Variants in EIF4E observed in about 807,000 individuals in gnomAD.
The protein encoded by EIF4E is eukaryotic translation initiation factor 4E, also known as eIF-4F 25 kDa subunit.
For synonymous variants in EIF4E, 71 were observed against 88.5 expected (o/e 0.80, Z 1.11); for missense variants, 113 against 265.6 (o/e 0.43, Z 3.99).
intron 1 of EIF4E, among the ~76,000 whole-genome samples, chr4:98,928,454 T>G (rs1383749637): frequency 6.6e-6 from 1 of 151,800 alleles, no homozygotes; most frequent in Non-Finnish European, 1.5e-5. Flanking sequence ...CCGGCAACTC[T>G]CCGGCGCGCT....
In EIF4E at chr4:98,918,007, C is replaced by T. The variant is rs564839084; in HGVS notation, c.18+11088G>A. On this transcript the variant is annotated intron_variant, in intron 1 of 6. Transcript: ENST00000450253. ...AGGATGATCGCTTGAACGTGGGAGG[C>T]GGAGGTTGCAGTGAGCAGAGACTGC... Among the ~76,000 whole-genome samples, 312 of 152,014 alleles carry T rather than the reference C, an allele frequency of 2.1e-3. 1 individual carries two copies. The highest frequency in any genetic ancestry group is 6.1e-3 in the African/African-American group (251 of 41,448).
At chr4:98,920,034 A>G (rs543668014) in intron 1 of EIF4E, among the ~76,000 whole-genome samples, 9 of 152,302 alleles carry the variant, frequency 5.9e-5, no homozygotes, top group African/African-American at 1.9e-4. Flanking sequence ...AGTAAAAAAT[A>G]CCCTTTCCAT....
intron 1 of EIF4E, among the ~76,000 whole-genome samples, chr4:98,928,504 A>C (rs1721320996): frequency 6.6e-6 from 1 of 151,908 alleles, no homozygotes. Flanking sequence ...CCCCTAAGCG[A>C]GGTCGAAGCT....
rs112403666 is a variant in EIF4E, at chr4:98,910,218, T to G, written c.19-8236A>C. Reference sequence around the variant, plus strand: ...AATAAAGGATCAAAACTATGACTTTTATACTCCTCCCTTAACCGAGAAAGT... The same window carrying G: ...AATAAAGGATCAAAACTATGACTTTGATACTCCTCCCTTAACCGAGAAAGT... On this transcript the variant is annotated intron_variant, in intron 1 of 6. Coordinates refer to ENST00000450253, the MANE Select transcript of EIF4E (RefSeq NM_001968.5). Among the ~76,000 whole-genome samples the G allele has an allele frequency of 3.6e-3, 547 of 152,314 alleles. 5 individuals are homozygous for G. Among genetic ancestry groups the G allele is most frequent in the African/African-American group, 0.012 (492 of 41,574 alleles).
intron 2 of EIF4E, among the ~76,000 whole-genome samples, chr4:98,892,194 A>G (rs1223870160): frequency 6.6e-6 from 1 of 151,502 alleles, no homozygotes; most frequent in African/African-American, 2.4e-5. Flanking sequence ...GAAAAATACA[A>G]AACTAGCCAG....
At chr4:98,889,706 G>A (rs1724071236) in intron 3 of EIF4E, among the ~76,000 whole-genome samples, 2 of 152,160 alleles carry the variant, frequency 1.3e-5, no homozygotes, top group South Asian at 4.1e-4. Context: ...CTGAAGCATG[G>A]AGAACTGTTC....
chr4:98,904,034 G>A (rs1005296285), intron 1 of EIF4E, among the ~76,000 whole-genome samples: 2 of 152,156 alleles, frequency 1.3e-5, no homozygotes, highest in African/African-American at 2.4e-5. Context: ...TGAGAAGTGG[G>A]CTCCTCAATA....
At chr4:98,922,336 T>C (rs1725678799) in intron 1 of EIF4E, among the ~76,000 whole-genome samples, 1 of 152,078 alleles carries the variant, frequency 6.6e-6, no homozygotes, top group Non-Finnish European at 1.5e-5. Context: ...GGTGGGCGGA[T>C]CACGAGGTCA....
intron 1 of EIF4E, among the ~76,000 whole-genome samples, chr4:98,917,444 C>T (rs1046740426): frequency 2.0e-5 from 3 of 152,062 alleles, no homozygotes; most frequent in Admixed American, 6.6e-5. Flanking sequence ...CGAAAAAGGG[C>T]TCTAGTAGAA....
intron 2 of EIF4E, 43 bp downstream of exon 2, chr4:98,901,833 C>T: frequency 6.4e-7 from 1 of 1,558,548 alleles, no homozygotes; most frequent in Non-Finnish European, 8.8e-7. Flanking sequence ...TCACAATTTA[C>T]CTTGTGGCCT....
intron 1 of EIF4E, among the ~76,000 whole-genome samples, chr4:98,922,159 T>G (rs1366342541): frequency 6.6e-6 from 1 of 152,184 alleles, no homozygotes; most frequent in Non-Finnish European, 1.5e-5. Context: ...GAATATACAC[T>G]CTGCACTTTG....
intron 1 of EIF4E, among the ~76,000 whole-genome samples, chr4:98,922,925 G>A (rs1360914077): frequency 2.7e-5 from 4 of 147,748 alleles, no homozygotes; most frequent in African/African-American, 5.0e-5. Context: ...TAGGCTCACC[G>A]CAACCTCCAC....
intron 2 of EIF4E, among the ~76,000 whole-genome samples, chr4:98,899,563 C>G (rs1724561017): frequency 6.6e-6 from 1 of 152,006 alleles, no homozygotes; most frequent in Admixed American, 6.6e-5. Flanking sequence ...GAAATTTTAC[C>G]CTATATATTC....
chr4:98,914,528 TATTA>T (rs1340259341), intron 1 of EIF4E, among the ~76,000 whole-genome samples: 1 of 151,738 alleles, frequency 6.6e-6, no homozygotes, highest in Admixed American at 6.6e-5. Context: ...CTTAAATGTA[TATTA>T]CTAAGTGAAA....
intron 1 of EIF4E, among the ~76,000 whole-genome samples, chr4:98,913,395 A>G (rs926049986): frequency 3.3e-5 from 5 of 151,994 alleles, no homozygotes; most frequent in Non-Finnish European, 4.4e-5. Flanking sequence ...CAGGGGTGCA[A>G]TCACAGCTCA....
At chr4:98,886,597 C>G (rs1158294104) in intron 5 of EIF4E, 1 of 373,848 alleles carries the variant, frequency 2.7e-6, no homozygotes, top group African/African-American at 2.1e-5. Flanking sequence ...CACCTGTAGT[C>G]CCAGCTACTT....
rs1725551364 is a variant in EIF4E, at chr4:98,919,426, A to C, written c.18+9669T>G. Among the ~76,000 whole-genome samples, 3 of 152,126 alleles carry C rather than the reference A, an allele frequency of 2.0e-5. No homozygotes were observed. The South Asian group carries it at 6.2e-4, about 32-fold the overall frequency. Reference sequence around the variant, plus strand: ...CTATCTTTCAAAGTTTAAAATACAGAGCGACAAGCTTTTCTAGGATAGAAT... The same window carrying C: ...CTATCTTTCAAAGTTTAAAATACAGCGCGACAAGCTTTTCTAGGATAGAAT... On this transcript the variant is annotated intron_variant, in intron 1 of 6. Transcript: ENST00000450253.
chr4:98,921,356 T>A (rs1377119832), intron 1 of EIF4E, among the ~76,000 whole-genome samples: 1 of 151,840 alleles, frequency 6.6e-6, no homozygotes, highest in African/African-American at 2.4e-5. Flanking sequence ...TATGTAGACA[T>A]ATATATCAAA....
chr4:98,910,028 T>C, intron 1 of EIF4E: 2 of 336,196 alleles, frequency 5.9e-6, no homozygotes, highest in Non-Finnish European at 1.1e-5. Context: ...ACCACCTGTC[T>C]TGTAAGAAAT....
Sources: allele counts gnomAD v4.1 joint callset (sites outside exome capture counted in the v4.1 genomes callset), GRCh38; gene constraint gnomAD v4.1.1; transcripts MANE v1.5; gene names NCBI Gene and HGNC (gene_info 2026-07-23, HGNC 2026-07-21).